Variants in CYB5R4 observed in about 807,000 individuals in gnomAD.
CYB5R4 encodes the protein cytochrome b5 reductase 4, also known as N-terminal cytochrome b5 and cytochrome b5 oxidoreductase domain-containing protein.
In CYB5R4, 55 loss-of-function variants were observed where a neutral mutation model predicts 70.2. The ratio of observed to expected loss-of-function variants is 0.78; its 90% CI spans 0.63 to 0.98. The LOEUF is 0.98. Ranked by LOEUF, CYB5R4 falls within the 50% of genes least tolerant of loss-of-function variation. The pLI is 0.00. For synonymous variants in CYB5R4, 197 were observed against 199.5 expected (o/e 0.99, Z 0.11); for missense variants, 562 against 612.6 (o/e 0.92, Z 0.87).
intron 6 of CYB5R4, among the ~76,000 whole-genome samples, chr6:83,919,146 G>T (rs190536099): frequency 5.3e-5 from 8 of 152,200 alleles, no homozygotes; most frequent in African/African-American, 1.9e-4. Flanking sequence ...CTATAAAAAG[G>T]GTCTTGTTGA....
intron 11 of CYB5R4, among the ~76,000 whole-genome samples, chr6:83,935,095 G>T (rs954552636): frequency 6.6e-6 from 1 of 151,996 alleles, no homozygotes; most frequent in African/African-American, 2.4e-5. Context: ...AGCTACTTAG[G>T]GTTGTATCAT....
intron 3 of CYB5R4, among the ~76,000 whole-genome samples, chr6:83,898,768 C>G (rs1277765015): frequency 1.3e-5 from 2 of 151,994 alleles, no homozygotes; most frequent in Non-Finnish European, 2.9e-5. Flanking sequence ...CTCTGTTTGT[C>G]TGTTATTGGT....
At chr6:83,915,390 A>G (rs977621542) in intron 5 of CYB5R4, among the ~76,000 whole-genome samples, 2 of 152,216 alleles carry the variant, frequency 1.3e-5, no homozygotes, top group Admixed American at 1.3e-4. Flanking sequence ...TAATTTATGC[A>G]ATTTATAGTA....
At chr6:83,918,827 T>G (rs1157691607) in intron 6 of CYB5R4, among the ~76,000 whole-genome samples, 1 of 152,120 alleles carries the variant, frequency 6.6e-6, no homozygotes, top group East Asian at 1.9e-4. Context: ...TTTGTTAAAT[T>G]ATTTCATATA....
intron 2 of CYB5R4, among the ~76,000 whole-genome samples, chr6:83,886,288 A>G (rs1389958608): frequency 1.3e-5 from 2 of 152,180 alleles, no homozygotes; most frequent in African/African-American, 4.8e-5. Flanking sequence ...AATCGCTTAA[A>G]GGCCCTACCA....
At position 83,922,420 on chromosome 6, in the gene CYB5R4, T is replaced by G. The variant is rs1212533848; in HGVS notation, c.659-18T>G. 1 of 1,604,996 alleles carries G rather than the reference T, an allele frequency of 6.2e-7. No homozygotes were observed. The highest frequency in any genetic ancestry group is 1.3e-5 in the African/African-American group (1 of 74,368). ...GAATTGAAGTTCTATTTTAACTAAA[T>G]AAATTTGTCTGTCCTAGGGCTAAGC... On this transcript the variant is annotated intron_variant, in intron 8 of 15. Coordinates refer to ENST00000369681, the MANE Select transcript of CYB5R4 (RefSeq NM_016230.4).
At chr6:83,908,075 A>G (rs768957168) in intron 3 of CYB5R4, among the ~76,000 whole-genome samples, 27 of 150,020 alleles carry the variant, frequency 1.8e-4, no homozygotes, top group Non-Finnish European at 3.7e-4. Context: ...CAATGGTTGA[A>G]CTAATTTACA....
chr6:83,876,849 T>TC (rs2099458630), intron 2 of CYB5R4, among the ~76,000 whole-genome samples: 1 of 152,216 alleles, frequency 6.6e-6, no homozygotes. Context: ...TAACTTTTTT[T>TC]TTTCAGACAG....
intron 2 of CYB5R4, among the ~76,000 whole-genome samples, chr6:83,878,696 T>G (rs1227058834): frequency 1.3e-5 from 2 of 152,090 alleles, no homozygotes; most frequent in Non-Finnish European, 2.9e-5. Flanking sequence ...AGAAGAATAA[T>G]AGAAACTGTG....
chr6:83,946,339 T>C (rs145919355), intron 14 of CYB5R4, among the ~76,000 whole-genome samples: 6 of 152,276 alleles, frequency 3.9e-5, no homozygotes, highest in East Asian at 1.9e-4. Flanking sequence ...ATGATCTCAA[T>C]AGATGCAGAA....
chr6:83,866,534 C>T (rs552919448), intron 2 of CYB5R4, among the ~76,000 whole-genome samples: 4 of 152,086 alleles, frequency 2.6e-5, no homozygotes, highest in South Asian at 2.1e-4. Flanking sequence ...AACCTCTACA[C>T]TGCTCCCGGT....
At chr6:83,887,167 T>C (rs965751360) in intron 2 of CYB5R4, among the ~76,000 whole-genome samples, 2 of 152,146 alleles carry the variant, frequency 1.3e-5, no homozygotes, top group Non-Finnish European at 2.9e-5. Context: ...ATGATATCCT[T>C]GAACTGAGCT....
chr6:83,940,776 C>T (rs1375517382), intron 14 of CYB5R4, among the ~76,000 whole-genome samples, 175 bp downstream of exon 14: 1 of 152,080 alleles, frequency 6.6e-6, no homozygotes. Flanking sequence ...CTCAAAGAAA[C>T]ACTGTCTGGC....
chr6:83,901,023 C>T (rs1352037188), intron 3 of CYB5R4, among the ~76,000 whole-genome samples: 2 of 152,054 alleles, frequency 1.3e-5, no homozygotes, highest in Non-Finnish European at 2.9e-5. Context: ...TAGCTAGTTA[C>T]TTTGCTCGTT....
chr6:83,955,522 C>A, intron 15 of CYB5R4, 60 bp downstream of exon 15: 1 of 1,452,194 alleles, frequency 6.9e-7, no homozygotes, highest in Admixed American at 2.0e-5. Context: ...TCTTTCATAA[C>A]AAGCATCTCT....
At chr6:83,860,804 G>C (rs1402621481) in intron 1 of CYB5R4, among the ~76,000 whole-genome samples, 1 of 152,202 alleles carries the variant, frequency 6.6e-6, no homozygotes, top group Non-Finnish European at 1.5e-5. Context: ...TAGCTTTCCA[G>C]AGATTTCTTA....
intron 5 of CYB5R4, among the ~76,000 whole-genome samples, chr6:83,914,806 A>G (rs1160390530): frequency 1.3e-5 from 2 of 148,536 alleles, no homozygotes; most frequent in African/African-American, 5.0e-5. Context: ...GAGTGCCGGG[A>G]TTACGGGCGT....
At chr6:83,914,325 G>A in intron 4 of CYB5R4, 91 bp from the exon 5 acceptor site, 1 of 1,343,342 alleles carries the variant, frequency 7.4e-7, no homozygotes, top group Non-Finnish European at 1.0e-6. Flanking sequence ...AAAAAAGAAG[G>A]GATGTTATCT....
chr6:83,906,024 T>C (rs1484472599), intron 3 of CYB5R4, among the ~76,000 whole-genome samples: 1 of 151,958 alleles, frequency 6.6e-6, no homozygotes, highest in East Asian at 1.9e-4. Context: ...TGCTGTGGAA[T>C]AGGCAGAGGG....
Sources: gnomAD v4.1 joint callset for allele counts (sites outside exome capture counted in the v4.1 genomes callset) on GRCh38, gnomAD v4.1.1 for gene constraint, MANE v1.5 for transcripts, NCBI Gene and HGNC (gene_info 2026-07-23, HGNC 2026-07-21) for gene names.